Variants in GLRA2 observed in about 807,000 individuals in gnomAD.
The protein encoded by GLRA2 is glycine receptor alpha 2, also known as glycine receptor subunit alpha-2.
Under a neutral mutation model 31.6 loss-of-function variants are expected in GLRA2, and 11 were observed. The observed-to-expected ratio is 0.35, with a 90% CI of 0.22 to 0.58. GLRA2 has a LOEUF of 0.58. Ranked by LOEUF, GLRA2 falls within the 20% of genes least tolerant of loss-of-function variation. The probability of loss-of-function intolerance (pLI) is 0.84; values close to 1 mark genes in which losing one functional copy is unlikely to be tolerated. For missense variants in GLRA2, 212 were observed against 351.8 expected (o/e 0.60, Z 3.18); for synonymous variants, 132 against 134.0 (o/e 0.99, Z 0.10).
intron 4 of GLRA2, among the ~76,000 whole-genome samples, chrX:14,592,837 A>G (rs1221598960): frequency 8.9e-6 from 1 of 112,548 alleles, no homozygotes; most frequent in Non-Finnish European, 1.9e-5. Flanking sequence ...ACATAGGTTT[A>G]TATACTTTTA....
chrX:14,450,100 A>T, the GLRA2 span, among the ~76,000 whole-genome samples: 1 of 111,693 alleles, frequency 9.0e-6, no homozygotes, highest in African/African-American at 3.3e-5. Flanking sequence ...AGAGAGACCT[A>T]GTTGGGGGAG....
At chrX:14,688,054 G>T (rs1418269218) in intron 7 of GLRA2, among the ~76,000 whole-genome samples, 6 of 112,291 alleles carry the variant, frequency 5.3e-5, no homozygotes, top group East Asian at 2.8e-4. Context: ...GTTGGAGTTT[G>T]CTGGAGGTCC....
At chrX:14,686,005 T>C (rs1393943782) in intron 7 of GLRA2, among the ~76,000 whole-genome samples, 16 of 112,110 alleles carry the variant, frequency 1.4e-4, no homozygotes, top group South Asian at 3.7e-4. Flanking sequence ...GATTCTGGTA[T>C]GTTGTGTCTT....
intron 4 of GLRA2, among the ~76,000 whole-genome samples, chrX:14,592,274 C>A (rs746833440): frequency 9.0e-6 from 1 of 111,516 alleles, no homozygotes; most frequent in South Asian, 3.8e-4. Context: ...GATCTTTGAA[C>A]CCTTTTCTCC....
intron 2 of GLRA2, among the ~76,000 whole-genome samples, chrX:14,554,869 A>C (rs1009045862): frequency 3.6e-5 from 4 of 111,910 alleles, no homozygotes; most frequent in African/African-American, 1.3e-4. Flanking sequence ...CCTATAAGCA[A>C]GGGATATTTT....
intron 7 of GLRA2, among the ~76,000 whole-genome samples, chrX:14,654,502 G>A (rs1355239059): frequency 9.0e-6 from 1 of 111,412 alleles, no homozygotes; most frequent in African/African-American, 3.3e-5. Context: ...TCACTTTTTT[G>A]CAATATTCAC....
the GLRA2 span, among the ~76,000 whole-genome samples, chrX:14,504,876 A>T: frequency 8.9e-6 from 1 of 112,114 alleles, no homozygotes; most frequent in African/African-American, 3.2e-5. Context: ...GCCTGTTGGC[A>T]GTAAAGGGAA....
intron 8 of GLRA2, among the ~76,000 whole-genome samples, chrX:14,709,089 G>T (rs1178319167): frequency 9.0e-6 from 1 of 111,344 alleles, no homozygotes; most frequent in Non-Finnish European, 1.9e-5. Flanking sequence ...GAAAGGGAGA[G>T]CTGGGCCCAG....
upstream of GLRA2, among the ~76,000 whole-genome samples, chrX:14,524,805 A>G (rs1458973280): frequency 1.8e-5 from 2 of 110,781 alleles, no homozygotes; most frequent in Non-Finnish European, 3.8e-5. Flanking sequence ...AATGTAATGG[A>G]ATCACAAAAA....
chrX:14,581,974 T>A (rs1395677916), intron 4 of GLRA2, among the ~76,000 whole-genome samples: 1 of 111,331 alleles, frequency 9.0e-6, no homozygotes, highest in African/African-American at 3.3e-5. Context: ...TTTGCTTTTA[T>A]ATTCAAATAT....
chrX:14,481,717 A>G, the GLRA2 span, among the ~76,000 whole-genome samples: 1 of 111,297 alleles, frequency 9.0e-6, no homozygotes. Context: ...TGAGTTCCAT[A>G]AGATCCATAA....
At chrX:14,721,642 G>A (rs1461636638) in intron 8 of GLRA2, among the ~76,000 whole-genome samples, 1 of 111,299 alleles carries the variant, frequency 9.0e-6, no homozygotes, top group Non-Finnish European at 1.9e-5. Flanking sequence ...ACAAAGAATC[G>A]TACAGTCCCA....
intron 7 of GLRA2, among the ~76,000 whole-genome samples, chrX:14,676,508 G>A (rs1012529278): frequency 1.8e-5 from 2 of 111,941 alleles, no homozygotes; most frequent in African/African-American, 3.2e-5. Context: ...GAGGAATGTC[G>A]CAGTTCTCTG....
chrX:14,562,070 G>A (rs775979899), intron 2 of GLRA2, among the ~76,000 whole-genome samples: 7 of 112,228 alleles, frequency 6.2e-5, no homozygotes, highest in East Asian at 2.8e-4. Flanking sequence ...AAATAAGTTT[G>A]GGAAATAATG....
At chrX:14,500,294 G>A in the GLRA2 span, among the ~76,000 whole-genome samples, 3 of 111,791 alleles carry the variant, frequency 2.7e-5, no homozygotes, top group South Asian at 3.7e-4. Context: ...GCCCAGGTTT[G>A]CCTTGGTTCT....
At chrX:14,668,069 T>C (rs1601814583) in intron 7 of GLRA2, among the ~76,000 whole-genome samples, 1 of 111,703 alleles carries the variant, frequency 9.0e-6, no homozygotes, top group East Asian at 2.8e-4. Flanking sequence ...TAGAGAAGGA[T>C]CTACTTCCAA....
intron 7 of GLRA2, among the ~76,000 whole-genome samples, chrX:14,660,171 T>A (rs2090977783): frequency 8.9e-6 from 1 of 111,937 alleles, no homozygotes; most frequent in South Asian, 3.7e-4. Context: ...TAATGAAGAT[T>A]GAGACTACAA....
the GLRA2 span, among the ~76,000 whole-genome samples, chrX:14,466,022 T>G: frequency 1.1e-4 from 12 of 112,085 alleles, no homozygotes; most frequent in Non-Finnish European, 2.3e-4. Flanking sequence ...CAATGCTTAT[T>G]GTTTTATTCC....
chrX:14,687,618 C>T (rs925165461), intron 7 of GLRA2, among the ~76,000 whole-genome samples: 8 of 112,259 alleles, frequency 7.1e-5, no homozygotes, highest in Admixed American at 9.4e-5. Context: ...CTTGTGCATG[C>T]GTCACGTAGT....
Sources: allele counts gnomAD v4.1 joint callset (sites outside exome capture counted in the v4.1 genomes callset), GRCh38; gene constraint gnomAD v4.1.1; transcripts MANE v1.5; gene names NCBI Gene and HGNC (gene_info 2026-07-23, HGNC 2026-07-21).